FSTL4: variants seen among roughly 807,000 people sequenced by gnomAD.
The protein encoded by FSTL4 is follistatin like 4.
Under a neutral mutation model 78.2 loss-of-function variants are expected in FSTL4, and 28 were observed. The ratio of observed to expected loss-of-function variants is 0.36; its 90% CI spans 0.27 to 0.49. The LOEUF (loss-of-function observed/expected upper bound fraction) is 0.49, where lower values mean the gene tolerates loss of function less well. Among genes scored for constraint, FSTL4 ranks in the 20% least tolerant of loss-of-function variants. The pLI is 0.98. For missense variants in FSTL4, 922 were observed against 1,084.9 expected (o/e 0.85, Z 2.11); for synonymous variants, 422 against 440.5 (o/e 0.96, Z 0.53).
chr5:133,761,664 C>G, the FSTL4 span, among the ~76,000 whole-genome samples: 2 of 152,196 alleles, frequency 1.3e-5, no homozygotes, highest in Non-Finnish European at 2.9e-5. Flanking sequence ...GGAGGCTCTA[C>G]CCTTTCTTTA....
chr5:133,226,401 G>C (rs2126795564), intron 8 of FSTL4, among the ~76,000 whole-genome samples: 1 of 152,294 alleles, frequency 6.6e-6, no homozygotes, highest in Admixed American at 6.5e-5. Context: ...GTCAGGTTCA[G>C]GGTTGGGGGT....
At chr5:133,669,130 C>T in the FSTL4 span, among the ~76,000 whole-genome samples, 1 of 152,226 alleles carries the variant, frequency 6.6e-6, no homozygotes, top group East Asian at 1.9e-4. Context: ...AAAATCCCTT[C>T]ACCAAAATCA....
Position 133,426,355 on chromosome 5 carries a change from A to G in FSTL4, c.161-25369T>C, listed in dbSNP as rs1195074482. On this transcript the variant is annotated intron_variant, in intron 3 of 15. Coordinates refer to ENST00000265342, the MANE Select transcript of FSTL4 (RefSeq NM_015082.2). The surrounding 1 kb of genome is among the most constrained non-coding windows in gnomAD (Gnocchi z 5.0). ...CTGGGCTGTGCTGACCCGCAGGACC[A>G]GTGGCTTGGGTCTCCTGCATAATGA... is the stretch of plus-strand genomic sequence containing the variant. 6.6e-6 allele frequency among the ~76,000 whole-genome samples: 1 copy of G among 152,154 alleles called. No individual in the cohort carries two copies. Among genetic ancestry groups the G allele is most frequent in the Non-Finnish European group, 1.5e-5 (1 of 68,018 alleles).
chr5:133,484,788 G>A lies in FSTL4; in HGVS notation c.160+82398C>T, dbSNP rs76047103. ...ACTTCTGCAACCGATGTCAGTGTGAGGGCTTCATATTCCCCTTCTGTAAAA... is the reference window on the plus strand; with the variant it reads ...ACTTCTGCAACCGATGTCAGTGTGAAGGCTTCATATTCCCCTTCTGTAAAA... On this transcript the variant is annotated intron_variant, in intron 3 of 15. Transcript: ENST00000265342. Among the ~76,000 whole-genome samples, 275 of 152,326 alleles carry A rather than the reference G, an allele frequency of 1.8e-3. 2 individuals carry two copies. The highest frequency in any genetic ancestry group is 6.9e-3 in the East Asian group (36 of 5,186).
the FSTL4 span, among the ~76,000 whole-genome samples, chr5:133,628,650 G>A: frequency 1.5e-4 from 23 of 152,056 alleles, no homozygotes; most frequent in East Asian, 5.8e-4. Flanking sequence ...GTGAGCTGCC[G>A]TGCCCAGCCA....
chr5:133,430,005 G>A (rs1756902520), intron 3 of FSTL4, among the ~76,000 whole-genome samples: 2 of 152,216 alleles, frequency 1.3e-5, no homozygotes, highest in Admixed American at 6.5e-5. Context: ...GACGTGAGCT[G>A]TAAATAAATG....
chr5:133,760,228 G>T, the FSTL4 span, among the ~76,000 whole-genome samples: 3,169 of 152,222 alleles, frequency 0.021, 126 homozygotes, highest in African/African-American at 0.072. Context: ...CCCTGGAGTG[G>T]TGAATGGAAG....
chr5:133,840,933 C>T, the FSTL4 span, among the ~76,000 whole-genome samples: 1 of 152,228 alleles, frequency 6.6e-6, no homozygotes, highest in East Asian at 1.9e-4. Context: ...GTGTGTGCTC[C>T]AGGTTTGATG....
At chr5:133,467,255 TGA>T (rs1256056901) in intron 3 of FSTL4, among the ~76,000 whole-genome samples, 18 of 139,264 alleles carry the variant, frequency 1.3e-4, no homozygotes, top group African/African-American at 5.4e-4. Context: ...TGAGTATATG[TGA>T]GTGTGTGTGT....
At chr5:133,742,819 C>T in the FSTL4 span, among the ~76,000 whole-genome samples, 1 of 152,090 alleles carries the variant, frequency 6.6e-6, no homozygotes, top group African/African-American at 2.4e-5. Context: ...GAACAAGGAG[C>T]ATAGCAGGCT....
intron 3 of FSTL4, among the ~76,000 whole-genome samples, chr5:133,555,386 C>G (rs1759766698): frequency 6.6e-6 from 1 of 152,210 alleles, no homozygotes; most frequent in African/African-American, 2.4e-5. Context: ...ACGCTATAAT[C>G]TCCAACTCTG....
the FSTL4 span, among the ~76,000 whole-genome samples, chr5:133,744,229 C>G: frequency 6.6e-6 from 1 of 152,326 alleles, no homozygotes; most frequent in East Asian, 1.9e-4. Flanking sequence ...ACATCTTCCC[C>G]TTTTCTAAGT....
the FSTL4 span, among the ~76,000 whole-genome samples, chr5:133,710,963 G>A: frequency 6.6e-6 from 1 of 152,152 alleles, no homozygotes; most frequent in Non-Finnish European, 1.5e-5. Flanking sequence ...GCACAAATGA[G>A]CAACTGAACA....
At chr5:133,484,150 G>T (rs1475130501) in intron 3 of FSTL4, among the ~76,000 whole-genome samples, 1 of 152,190 alleles carries the variant, frequency 6.6e-6, no homozygotes, top group East Asian at 1.9e-4. Flanking sequence ...AGCAAATTGG[G>T]CAATGTCCTC....
At chr5:133,672,619 A>G in the FSTL4 span, among the ~76,000 whole-genome samples, 1 of 152,248 alleles carries the variant, frequency 6.6e-6, no homozygotes, top group Non-Finnish European at 1.5e-5. Flanking sequence ...CAACAAATCA[A>G]TGCAATTGAG....
chr5:133,419,734 T>A (rs1330601514), intron 3 of FSTL4, among the ~76,000 whole-genome samples: 1 of 152,232 alleles, frequency 6.6e-6, no homozygotes, highest in Non-Finnish European at 1.5e-5. Context: ...GTTCTGGTTC[T>A]CCCAGATCCT....
intron 3 of FSTL4, among the ~76,000 whole-genome samples, chr5:133,472,999 T>C (rs1430211958): frequency 6.6e-6 from 1 of 152,208 alleles, no homozygotes; most frequent in East Asian, 1.9e-4. Context: ...CTCCTGCCCA[T>C]GACCTTGCTT....
At chr5:133,791,004 T>C in the FSTL4 span, among the ~76,000 whole-genome samples, 2 of 152,174 alleles carry the variant, frequency 1.3e-5, no homozygotes, top group African/African-American at 4.8e-5. Flanking sequence ...TATACTGGCC[T>C]GCCAGGCCCC....
chr5:133,424,237 G>A (rs542088872), intron 3 of FSTL4, among the ~76,000 whole-genome samples: 1 of 152,324 alleles, frequency 6.6e-6, no homozygotes, highest in East Asian at 1.9e-4. Context: ...TTTGCTGAGT[G>A]ATTCTGCTGC....
Sources: gnomAD v4.1 joint callset for allele counts (sites outside exome capture counted in the v4.1 genomes callset) on GRCh38, gnomAD v4.1.1 for gene constraint, Gnocchi (gnomAD v3.1) non-coding constraint, MANE v1.5 for transcripts, NCBI Gene and HGNC (gene_info 2026-07-23, HGNC 2026-07-21) for gene names.